SCHIP1: variants seen among roughly 807,000 people sequenced by gnomAD.
SCHIP1 encodes the protein schwannomin-interacting protein 1.
Under a neutral mutation model 29.7 loss-of-function variants are expected in SCHIP1, and 8 were observed. The observed-to-expected ratio is 0.27, with a 90% confidence interval of 0.16 to 0.49. The LOEUF (loss-of-function observed/expected upper bound fraction) is 0.49, where lower values mean the gene tolerates loss of function less well. Among genes scored for constraint, SCHIP1 ranks in the 20% least tolerant of loss-of-function variants. SCHIP1 has a pLI of 0.99. For missense variants in SCHIP1, 193 were observed against 294.6 expected (o/e 0.66, Z 2.52); for synonymous variants, 76 against 94.9 (o/e 0.80, Z 1.16).
the SCHIP1 span, among the ~76,000 whole-genome samples, chr3:159,761,309 C>T: frequency 5.3e-5 from 8 of 152,270 alleles, no homozygotes; most frequent in African/African-American, 1.4e-4. Context: ...CTTGTACTTA[C>T]GTAGAATTGA....
the SCHIP1 span, among the ~76,000 whole-genome samples, chr3:159,488,213 G>A: frequency 6.6e-6 from 1 of 151,966 alleles, no homozygotes; most frequent in Non-Finnish European, 1.5e-5. Flanking sequence ...GCAGGAGTGG[G>A]GATGGTTAAT....
chr3:159,754,416 C>T, the SCHIP1 span, among the ~76,000 whole-genome samples: 1 of 152,100 alleles, frequency 6.6e-6, no homozygotes, highest in African/African-American at 2.4e-5. Flanking sequence ...ATATTGATAG[C>T]CTTTCCTATA....
At chr3:159,846,074 T>G (rs1711797199) in intron 1 of SCHIP1, 1 of 152,212 alleles carries the variant, frequency 6.6e-6, no homozygotes. Flanking sequence ...GCCTACTTCT[T>G]CATCCAGAGA....
the SCHIP1 span, among the ~76,000 whole-genome samples, chr3:159,735,670 A>G: frequency 6.6e-6 from 1 of 152,182 alleles, no homozygotes; most frequent in Non-Finnish European, 1.5e-5. Flanking sequence ...TCTGTGTATG[A>G]CCCAAAAAAA....
At chr3:159,599,546 C>G in the SCHIP1 span, among the ~76,000 whole-genome samples, 3 of 152,144 alleles carry the variant, frequency 2.0e-5, no homozygotes, top group Non-Finnish European at 4.4e-5. Flanking sequence ...ATAAGGGTCT[C>G]CAATTCCATG....
At chr3:159,451,968 G>A in the SCHIP1 span, among the ~76,000 whole-genome samples, 1 of 152,062 alleles carries the variant, frequency 6.6e-6, no homozygotes, top group African/African-American at 2.4e-5. Flanking sequence ...AGAAAGGGGA[G>A]TCCAGCTTTT....
the SCHIP1 span, among the ~76,000 whole-genome samples, chr3:159,822,349 A>G: frequency 7.9e-5 from 12 of 152,196 alleles, no homozygotes; most frequent in Admixed American, 7.8e-4. Flanking sequence ...TGAAAAGTGG[A>G]CAGTATATGG....
the SCHIP1 span, among the ~76,000 whole-genome samples, chr3:159,320,407 C>T: frequency 1.3e-5 from 2 of 152,092 alleles, no homozygotes; most frequent in African/African-American, 2.4e-5. Context: ...TTCCAGCCTC[C>T]AGAACCGTGA....
the SCHIP1 span, among the ~76,000 whole-genome samples, chr3:159,477,486 G>A: frequency 6.6e-6 from 1 of 152,224 alleles, no homozygotes; most frequent in East Asian, 1.9e-4. Context: ...TCTAACAGGT[G>A]TGAGATGGTA....
the SCHIP1 span, among the ~76,000 whole-genome samples, chr3:159,429,375 G>C: frequency 6.6e-6 from 1 of 151,992 alleles, no homozygotes; most frequent in Non-Finnish European, 1.5e-5. Context: ...AGAGAGATGA[G>C]GTGGGGGTAA....
the SCHIP1 span, among the ~76,000 whole-genome samples, chr3:159,831,417 C>G: frequency 3.9e-5 from 6 of 152,080 alleles, no homozygotes; most frequent in African/African-American, 1.4e-4. Flanking sequence ...TTTCCAGGAC[C>G]CTCGGAGGAT....
At chr3:159,698,629 A>AT in the SCHIP1 span, among the ~76,000 whole-genome samples, 78 of 151,328 alleles carry the variant, frequency 5.2e-4, no homozygotes, top group African/African-American at 1.3e-3. Context: ...TTAGTTCTTT[A>AT]TTTTTTTTTA....
chr3:159,317,997 G>A, the SCHIP1 span, among the ~76,000 whole-genome samples: 1 of 152,190 alleles, frequency 6.6e-6, no homozygotes, highest in African/African-American at 2.4e-5. Context: ...GGTCTCTGCT[G>A]CTGGCAAATT....
the SCHIP1 span, among the ~76,000 whole-genome samples, chr3:159,712,669 T>A: frequency 1.3e-5 from 2 of 148,942 alleles, no homozygotes; most frequent in Non-Finnish European, 3.0e-5. Flanking sequence ...TGAACTATGA[T>A]CATGCCACCA....
the SCHIP1 span, among the ~76,000 whole-genome samples, chr3:159,414,360 C>T: frequency 6.6e-6 from 1 of 152,172 alleles, no homozygotes; most frequent in Non-Finnish European, 1.5e-5. Flanking sequence ...GCATTATTGT[C>T]TTCTGCTGTA....
At chr3:159,618,547 T>C in the SCHIP1 span, among the ~76,000 whole-genome samples, 5 of 152,214 alleles carry the variant, frequency 3.3e-5, no homozygotes, top group Admixed American at 3.3e-4. Context: ...GTGCAAAGTG[T>C]TCAACTATGA....
At chr3:159,418,691 A>G in the SCHIP1 span, among the ~76,000 whole-genome samples, 2 of 152,354 alleles carry the variant, frequency 1.3e-5, no homozygotes, top group Non-Finnish European at 1.5e-5. Flanking sequence ...TATATCCTCA[A>G]GGTCAGACTT....
chr3:159,712,656 C>T, the SCHIP1 span, among the ~76,000 whole-genome samples: 1 of 149,652 alleles, frequency 6.7e-6, no homozygotes, highest in African/African-American at 2.5e-5. Context: ...CTGAAGGCTG[C>T]AGTGAACTAT....
At chr3:159,478,424 TG>T in the SCHIP1 span, among the ~76,000 whole-genome samples, 1 of 152,186 alleles carries the variant, frequency 6.6e-6, no homozygotes, top group Non-Finnish European at 1.5e-5. Flanking sequence ...CCTTCTATCT[TG>T]TTCCTTTGGT....
Sources: gnomAD v4.1 joint callset for allele counts (sites outside exome capture counted in the v4.1 genomes callset) on GRCh38, gnomAD v4.1.1 for gene constraint, MANE v1.5 for transcripts, NCBI Gene and HGNC (gene_info 2026-07-23, HGNC 2026-07-21) for gene names.